KDM5B: variants seen among roughly 807,000 people sequenced by gnomAD.
KDM5B encodes lysine demethylase 5B.
Under a neutral mutation model 193.4 loss-of-function variants are expected in KDM5B, and 144 were observed. The ratio of observed to expected loss-of-function variants is 0.74; its 90% CI spans 0.65 to 0.86. The LOEUF (loss-of-function observed/expected upper bound fraction) is 0.86, where lower values mean the gene tolerates loss of function less well. Among genes scored for constraint, KDM5B ranks in the 40% least tolerant of loss-of-function variants. The pLI, the probability that KDM5B is intolerant of heterozygous loss-of-function variation, is 0.00. For missense variants in KDM5B, 1,833 were observed against 1,886.9 expected, an observed-to-expected ratio of 0.97 and a Z score of 0.53; for synonymous variants, 668 against 682.6, an observed-to-expected ratio of 0.98 and a Z score of 0.33.
chr1:202,733,688 T>A lies in KDM5B; in HGVS notation c.3622A>T (p.Ser1208Cys). The A allele has an allele frequency of 6.2e-7, 1 of 1,614,142 alleles. No individual in the cohort carries two copies. The highest frequency in any genetic ancestry group is 1.1e-5 in the South Asian group (1 of 91,082). The change falls in exon 23 of 27, where the codon AGT becomes TGT. Residue 1208 changes from serine to cysteine, a missense_variant. Physicochemically the swap from Ser to Cys is moderately radical, Grantham distance 112. Transcript: ENST00000367265. The stretch of plus-strand genomic sequence containing the variant: ...CAGATTCGCAGGCCCTGTGAAATAC[T>A]GGGTACCGCCACACAACTGGTGTGG... ...AFHTSCVAVPSISQGLRIWLC... is the reference protein window; with the variant it reads ...AFHTSCVAVPCISQGLRIWLC...
chr1:202,789,372 C>G (rs1657542087), intron 1 of KDM5B, among the ~76,000 whole-genome samples: 1 of 151,108 alleles, frequency 6.6e-6, no homozygotes, highest in Non-Finnish European at 1.5e-5. Context: ...AATACAAAAA[C>G]TAGCGGGACG....
chr1:202,740,968 T>C (rs1421693331), intron 19 of KDM5B, among the ~76,000 whole-genome samples, 156 bp from the exon 20 acceptor site: 1 of 152,216 alleles, frequency 6.6e-6, no homozygotes, highest in Non-Finnish European at 1.5e-5. Context: ...TCTGCACTGT[T>C]TTCTTGCAGA....
In KDM5B at chr1:202,729,126, C is replaced by T; in HGVS notation, c.4545G>A (p.Gln1515=). 1 of 1,614,110 alleles carries T rather than the reference C, an allele frequency of 6.2e-7. No homozygotes were observed. The highest frequency in any genetic ancestry group is 8.5e-7 in the Non-Finnish European group (1 of 1,179,990). Residue 1515 remains glutamine (Q), a synonymous_variant, in exon 27 of 27, where the codon CAG becomes CAA. Coordinates refer to ENST00000367265, the MANE Select transcript of KDM5B (RefSeq NM_006618.5). ...CDGSCNQWFH[Q]VCVGVSPEMA... ...TCTCTGGGGAGACACCAACACAGAC[C>T]TGATGAAACCACTGATTGCAGCTGC...
At chr1:202,765,976 T>G (rs1249924061) in intron 5 of KDM5B, among the ~76,000 whole-genome samples, 1 of 152,212 alleles carries the variant, frequency 6.6e-6, no homozygotes, top group Non-Finnish European at 1.5e-5. Flanking sequence ...GGAAAGCTTC[T>G]CAGAGCAGAA....
chr1:202,749,342 G>A (rs1655700467), intron 13 of KDM5B, among the ~76,000 whole-genome samples: 1 of 152,126 alleles, frequency 6.6e-6, no homozygotes, highest in Non-Finnish European at 1.5e-5. Context: ...CCTTGCTTGA[G>A]TCTAAGAATT....
In KDM5B at chr1:202,726,621, G is replaced by GAA. The variant is rs1414715055; in HGVS notation, c.*2413_*2414dup. 6.6e-6 allele frequency: 1 copy of GAA among 152,168 alleles called. No individual in the cohort carries two copies. Among genetic ancestry groups the GAA allele is most frequent in the Admixed American group, 6.5e-5 (1 of 15,274 alleles). The allele number at this position is 152,168 out of a possible 1,614,324, so 9.4% of individuals were successfully genotyped here. On this transcript the variant is annotated 3_prime_UTR_variant, in exon 27 of 27. Coordinates refer to ENST00000367265, the MANE Select transcript of KDM5B (RefSeq NM_006618.5). ...CTGCAGGACTACTGAGATGGAAACT[G>GAA]AAGTGTCAGTTTCCATGTGCATTTT...
chr1:202,750,774 T>C lies in KDM5B; in HGVS notation c.1706A>G (p.Tyr569Cys), dbSNP rs2102251726. The change falls in exon 13 of 27, where the codon TAC (tyrosine) becomes TGC (cysteine). Residue 569 changes from tyrosine to cysteine, a missense_variant. Coordinates refer to ENST00000367265, the MANE Select transcript of KDM5B (RefSeq NM_006618.5). ...CTCCCCAGCACACTGATTAGTTCGG[T>C]AAACCTAAAGAGACAGAAATTGAAG... ...NTLMTHEVPV[Y>C]RTNQCAGEFV... is the part of the protein sequence containing the mutation. The C allele has an allele frequency of 6.2e-7, 1 of 1,613,132 alleles. No homozygotes were observed. Among genetic ancestry groups the C allele is most frequent in the Non-Finnish European group, 8.5e-7 (1 of 1,179,446 alleles).
chr1:202,728,806 A>G lies in KDM5B; in HGVS notation c.*230T>C, dbSNP rs1253731585. 1 of 462,492 alleles carries G rather than the reference A, an allele frequency of 2.2e-6. No individual in the cohort carries two copies. Among genetic ancestry groups the G allele is most frequent in the East Asian group, 3.7e-5 (1 of 26,846 alleles). The allele number at this position is 462,492 out of a possible 1,614,324, so 28.6% of individuals were successfully genotyped here. On this transcript the variant is annotated 3_prime_UTR_variant, in exon 27 of 27. Coordinates refer to ENST00000367265, the MANE Select transcript of KDM5B (RefSeq NM_006618.5). ...AAAACAGTCAGCTTTTCAAACCTCA[A>G]CAACCACAAATAGCTCTTAAGGAAA...
At chr1:202,796,289 C>G (rs1020789234) in intron 1 of KDM5B, 1 of 416,070 alleles carries the variant, frequency 2.4e-6, no homozygotes, top group African/African-American at 2.1e-5. Context: ...CCAAATGGTC[C>G]CCGCTGTGCC....
intron 20 of KDM5B, among the ~76,000 whole-genome samples, chr1:202,740,335 C>T (rs1403980160): frequency 7.4e-6 from 1 of 134,678 alleles, no homozygotes; most frequent in Non-Finnish European, 1.7e-5. Context: ...ACCTCCCGGA[C>T]GGGGTGGCCG....
chr1:202,749,206 CATT>C, intron 13 of KDM5B, 67 bp from the exon 14 acceptor site: 19 of 1,360,994 alleles, frequency 1.4e-5, no homozygotes, highest in Non-Finnish European at 1.9e-5. Flanking sequence ...ACCTCTGACC[CATT>C]ATTATCAAAT....
chr1:202,749,701 A>G lies in KDM5B; in HGVS notation c.1822-562T>C, dbSNP rs565890031. Among the ~76,000 whole-genome samples the G allele has an allele frequency of 2.0e-5, 3 of 152,124 alleles. No individual in the cohort carries two copies. The South Asian group carries it at 6.2e-4, about 32-fold the overall frequency. ...AAAAAAAAGACCCAGCATATTAACA[A>G]TGTATGAGTATCTACAACAATGTAG... On this transcript the variant is annotated intron_variant, in intron 13 of 26. Coordinates refer to ENST00000367265, the MANE Select transcript of KDM5B (RefSeq NM_006618.5).
chr1:202,740,113 C>T (rs534771514), intron 20 of KDM5B, among the ~76,000 whole-genome samples: 7 of 149,260 alleles, frequency 4.7e-5, no homozygotes, highest in South Asian at 2.1e-4. Flanking sequence ...GCTGACCCCC[C>T]CCACCTCCCT....
At chr1:202,755,603 C>T (rs1049836450) in intron 10 of KDM5B, 151 bp from the exon 11 acceptor site, 18 of 624,710 alleles carry the variant, frequency 2.9e-5, no homozygotes, top group African/African-American at 2.0e-4. Flanking sequence ...CCCAGAGATT[C>T]GTTTTGCCCA....
At chr1:202,750,556 T>G in intron 13 of KDM5B, 103 bp downstream of exon 13, 66 of 1,266,792 alleles carry the variant, frequency 5.2e-5, no homozygotes, top group Non-Finnish European at 6.6e-5. Flanking sequence ...ATTATAGGCA[T>G]GAGCTACCGC....
chr1:202,732,466 G>T (rs900083104), intron 23 of KDM5B, among the ~76,000 whole-genome samples: 8 of 152,134 alleles, frequency 5.3e-5, no homozygotes, highest in Non-Finnish European at 1.2e-4. Flanking sequence ...AGCACATCCT[G>T]GGTAAAGAAC....
In KDM5B at chr1:202,746,001, C is replaced by A. The variant is rs760077087; in HGVS notation, c.2199-19G>T. The A allele has an allele frequency of 6.2e-7, 1 of 1,613,802 alleles. No individual in the cohort carries two copies. The highest frequency in any genetic ancestry group is 1.7e-5 in the Admixed American group (1 of 60,016). On this transcript the variant is annotated intron_variant, in intron 15 of 26. Transcript: ENST00000367265. ...CCTATACCTGGAAATAATACCACCACACTTAGCTTTGAGACGTGTAGCTTT... is the reference window on the plus strand; with the variant it reads ...CCTATACCTGGAAATAATACCACCAAACTTAGCTTTGAGACGTGTAGCTTT...
intron 1 of KDM5B, among the ~76,000 whole-genome samples, chr1:202,801,729 T>C (rs1168882378): frequency 1.3e-5 from 2 of 152,206 alleles, no homozygotes; most frequent in African/African-American, 4.8e-5. Flanking sequence ...CTCAATTGCA[T>C]ACCATTCTTA....
intron 1 of KDM5B, chr1:202,806,864 G>GGT (rs1452835989): frequency 1.3e-5 from 2 of 152,262 alleles, no homozygotes; most frequent in African/African-American, 4.8e-5. Flanking sequence ...CAGCAGGAAA[G>GGT]GCAGTTAAAC....
Sources: gnomAD v4.1 joint callset for allele counts (sites outside exome capture counted in the v4.1 genomes callset) on GRCh38, gnomAD v4.1.1 for gene constraint, MANE v1.5 for transcripts, NCBI Gene and HGNC (gene_info 2026-07-23, HGNC 2026-07-21) for gene names.